RCN2: variants seen among roughly 807,000 people sequenced by gnomAD.
The protein encoded by RCN2 is reticulocalbin 2.
In RCN2, 23 loss-of-function variants were observed where a neutral mutation model predicts 37.5. The observed-to-expected ratio is 0.61, with a 90% CI of 0.44 to 0.87. The LOEUF is 0.87. Among genes scored for constraint, RCN2 ranks in the 40% least tolerant of loss-of-function variants. RCN2 has a pLI of 0.00. For synonymous variants in RCN2, 140 were observed against 144.6 expected, an observed-to-expected ratio of 0.97 and a Z score of 0.23; for missense variants, 381 against 390.4, an observed-to-expected ratio of 0.98 and a Z score of 0.20.
intron 3 of RCN2, 85 bp downstream of exon 3, chr15:76,935,807 G>A: frequency 1.0e-6 from 1 of 967,076 alleles, no homozygotes; most frequent in Non-Finnish European, 1.6e-6. Flanking sequence ...GAGGGCCTGA[G>A]GTCATAAGCT....
At chr15:76,932,984 A>G (rs2075231047) in intron 2 of RCN2, among the ~76,000 whole-genome samples, 1 of 152,202 alleles carries the variant, frequency 6.6e-6, no homozygotes, top group Admixed American at 6.5e-5. Flanking sequence ...GAAGAAATGA[A>G]GCACAGGGAT....
chr15:76,949,246 T>A lies in RCN2; in HGVS notation c.*24T>A. 2.7e-6 allele frequency: 4 copies of A among 1,456,352 alleles called. No homozygotes were observed. The South Asian group carries it at 5.6e-5, about 20-fold the overall frequency. 90.2% of individuals were successfully genotyped at this position (1,456,352 alleles called of 1,614,324 possible). On this transcript the variant is annotated 3_prime_UTR_variant, in exon 7 of 7. Coordinates refer to ENST00000394885, the MANE Select transcript of RCN2 (RefSeq NM_002902.3). Reference sequence around the variant, plus strand: ...AATCTCTGAGCCTGTCTCAGTAGAGTACTGGCTCCTTTTATAATTTGTTAC... The same window carrying A: ...AATCTCTGAGCCTGTCTCAGTAGAGAACTGGCTCCTTTTATAATTTGTTAC...
intron 2 of RCN2, among the ~76,000 whole-genome samples, chr15:76,933,022 G>A (rs996341529): frequency 6.6e-6 from 1 of 152,090 alleles, no homozygotes; most frequent in Non-Finnish European, 1.5e-5. Flanking sequence ...AAGTGGCAAA[G>A]CTGGACTAGA....
intron 5 of RCN2, 170 bp downstream of exon 5, chr15:76,947,687 A>G (rs532962026): frequency 3.8e-5 from 20 of 532,280 alleles, no homozygotes; most frequent in Non-Finnish European, 6.5e-5. Context: ...TTTATAGCTT[A>G]TCTGAGAACG....
In RCN2 at chr15:76,931,777, A is replaced by T; in HGVS notation, c.-65A>T. 5.2e-6 allele frequency: 6 copies of T among 1,158,566 alleles called. No homozygotes were observed. The highest frequency in any genetic ancestry group is 4.1e-5 in the South Asian group (1 of 24,300). 71.8% of individuals were successfully genotyped at this position (1,158,566 alleles called of 1,614,324 possible). A position where few individuals can be genotyped will look rare whatever the true frequency, so the allele number is the denominator to read the frequency against. ...TCTGTAGCCGCCCGCGGAGCATCGC[A>T]GCCGGCCCGGGCCCCCGCCAGCCTC... On this transcript the variant is annotated 5_prime_UTR_variant, in exon 1 of 7. Transcript: ENST00000394885.
At chr15:76,932,041 G>T (rs1326321398) in intron 1 of RCN2, 56 bp downstream of exon 1, 2 of 1,238,230 alleles carry the variant, frequency 1.6e-6, no homozygotes, top group East Asian at 3.4e-5. Flanking sequence ...GGCTGCCGCG[G>T]GCTTTGTCCC....
rs1252428298 is a variant in RCN2, at chr15:76,933,567, C to G, written c.250+1101C>G. Among the ~76,000 whole-genome samples, 4 of 152,252 alleles carry G rather than the reference C, an allele frequency of 2.6e-5. No individual in the cohort carries two copies. In the East Asian group the frequency reaches 7.7e-4, roughly 29 times the overall value. On this transcript the variant is annotated intron_variant, in intron 2 of 6. Transcript: ENST00000394885. ...CTATCTGTCAAGACCTAGATATGTT[C>G]AAATATTTAATAGTAAGGTTTTAAG...
chr15:76,942,944 C>T (rs2075281602), intron 3 of RCN2: 1 of 151,708 alleles, frequency 6.6e-6, no homozygotes, highest in South Asian at 2.1e-4. Flanking sequence ...CCTCATCTCC[C>T]CACCCCCCAA....
Position 76,949,558 on chromosome 15 carries a change from A to G in RCN2, c.*336A>G, listed in dbSNP as rs542561711. The stretch of plus-strand genomic sequence containing the variant: ...AGGATTTTAGAGATGCCTGAACAAT[A>G]TTATTTAAGTAGTATGTGACCGAGC... On this transcript the variant is annotated 3_prime_UTR_variant, in exon 7 of 7. Coordinates refer to ENST00000394885, the MANE Select transcript of RCN2 (RefSeq NM_002902.3). 2 of 165,666 alleles carry G rather than the reference A, an allele frequency of 1.2e-5. No homozygotes were observed. Among genetic ancestry groups the G allele is most frequent in the African/African-American group, 4.8e-5 (2 of 42,088 alleles). The allele number at this position is 165,666 out of a possible 1,614,324, so 10.3% of individuals were successfully genotyped here. A position where few individuals can be genotyped will look rare whatever the true frequency, so the allele number is the denominator to read the frequency against.
Position 76,931,787 on chromosome 15 carries a change from G to A in RCN2, c.-55G>A. The A allele has an allele frequency of 8.4e-7, 1 of 1,187,396 alleles. No individual in the cohort carries two copies. Among genetic ancestry groups the A allele is most frequent in the Non-Finnish European group, 1.0e-6 (1 of 957,704 alleles). The allele number at this position is 1,187,396 out of a possible 1,614,324, so 73.6% of individuals were successfully genotyped here. ...CCCGCGGAGCATCGCAGCCGGCCCG[G>A]GCCCCCGCCAGCCTCCCTCCTCGCG... On this transcript the variant is annotated 5_prime_UTR_variant, in exon 1 of 7. Coordinates refer to ENST00000394885, the MANE Select transcript of RCN2 (RefSeq NM_002902.3).
At position 76,931,986 on chromosome 15, in the gene RCN2, G is replaced by C; in HGVS notation, c.144+1G>C. The stretch of plus-strand genomic sequence containing the variant: ...CCGCGAGGCGCTGCTGGGCGTCCAG[G>C]TGAGGCGGCCAGGCCGGTGCTGGGA... On this transcript the variant is annotated splice_donor_variant, in intron 1 of 6. Coordinates refer to ENST00000394885, the MANE Select transcript of RCN2 (RefSeq NM_002902.3). LOFTEE classifies it high-confidence loss of function. 7.9e-7 allele frequency: 1 copy of C among 1,263,426 alleles called. No individual in the cohort carries two copies. Among genetic ancestry groups the C allele is most frequent in the Non-Finnish European group, 9.9e-7 (1 of 1,009,202 alleles). The allele number at this position is 1,263,426 out of a possible 1,614,324, so 78.3% of individuals were successfully genotyped here.
At chr15:76,937,778 A>G (rs1419360387) in intron 3 of RCN2, among the ~76,000 whole-genome samples, 2 of 152,150 alleles carry the variant, frequency 1.3e-5, no homozygotes, top group African/African-American at 4.8e-5. Flanking sequence ...TAATTTGTTG[A>G]AATATATGCT....
At position 76,949,440 on chromosome 15, in the gene RCN2, G is replaced by T; in HGVS notation, c.*218G>T. ...TGAAGCAACAAAATATTAATATTGTGCCATATGACAACAAAGTCTTTCCTA... is the reference window on the plus strand; with the variant it reads ...TGAAGCAACAAAATATTAATATTGTTCCATATGACAACAAAGTCTTTCCTA... On this transcript the variant is annotated 3_prime_UTR_variant, in exon 7 of 7. Coordinates refer to ENST00000394885, the MANE Select transcript of RCN2 (RefSeq NM_002902.3). 5.4e-6 allele frequency: 2 copies of T among 371,020 alleles called. No individual in the cohort carries two copies. The highest frequency in any genetic ancestry group is 8.1e-5 in the South Asian group (1 of 12,344). 23.0% of individuals were successfully genotyped at this position (371,020 alleles called of 1,614,324 possible). A position where few individuals can be genotyped will look rare whatever the true frequency, so the allele number is the denominator to read the frequency against.
At chr15:76,932,573 G>C (rs1474468409) in intron 2 of RCN2, 107 bp downstream of exon 2, 1 of 751,776 alleles carries the variant, frequency 1.3e-6, no homozygotes, top group Non-Finnish European at 2.3e-6. Flanking sequence ...GAAGTCCTGT[G>C]AGAAGGAGAA....
chr15:76,932,379 G>C lies in RCN2; in HGVS notation c.163G>C (p.Val55Leu). Residue 55 changes from valine to leucine, a missense_variant, in exon 2 of 7, where the codon GTT (valine) becomes CTT (leucine). Physicochemically the swap from Val to Leu is conservative, Grantham distance 32 (BLOSUM62 1). Coordinates refer to ENST00000394885, the MANE Select transcript of RCN2 (RefSeq NM_002902.3). Reference sequence around the variant, plus strand: ...CCTAAAGGAAGATGTGGATGAATATGTTAAACTCGGCCACGAAGAGCAGCA... The same window carrying C: ...CCTAAAGGAAGATGTGGATGAATATCTTAAACTCGGCCACGAAGAGCAGCA... ...LGVQEDVDEYVKLGHEEQQKR... is the reference protein window; with the variant it reads ...LGVQEDVDEYLKLGHEEQQKR... 1 of 1,613,384 alleles carries C rather than the reference G, an allele frequency of 6.2e-7. No individual in the cohort carries two copies. The highest frequency in any genetic ancestry group is 8.5e-7 in the Non-Finnish European group (1 of 1,179,566).
At chr15:76,939,810 A>G (rs1028660811) in intron 3 of RCN2, among the ~76,000 whole-genome samples, 1 of 152,212 alleles carries the variant, frequency 6.6e-6, no homozygotes, top group African/African-American at 2.4e-5. Context: ...TACTCAAAAG[A>G]CTTAATTACT....
chr15:76,939,288 T>C (rs1032592336), intron 3 of RCN2, among the ~76,000 whole-genome samples: 1 of 150,990 alleles, frequency 6.6e-6, no homozygotes, highest in Non-Finnish European at 1.5e-5. Flanking sequence ...AAATTTCCTC[T>C]TTAGGATTAT....
Position 76,948,412 on chromosome 15 carries a change from G to T in RCN2, c.661G>T (p.Ala221Ser). ...FLGDYRWDPT[A>S]NEDPEWILVE... Reference sequence around the variant, plus strand: ...TATTTGTGTTTTTTTATATTAAGCTGCAAATGAAGATCCAGAATGGATACT... The same window carrying T: ...TATTTGTGTTTTTTTATATTAAGCTTCAAATGAAGATCCAGAATGGATACT... The change falls in exon 6 of 7, where the codon GCA becomes TCA. Residue 221 changes from alanine to serine, a missense_variant and splice_region_variant. Physicochemically the swap from Ala to Ser is moderately conservative, Grantham distance 99. Transcript: ENST00000394885. The T allele has an allele frequency of 1.3e-6, 2 of 1,585,652 alleles. No individual in the cohort carries two copies. Among genetic ancestry groups the T allele is most frequent in the East Asian group, 2.3e-5 (1 of 44,404 alleles).
chr15:76,945,063 C>G (rs2075291589), intron 4 of RCN2, among the ~76,000 whole-genome samples: 1 of 152,206 alleles, frequency 6.6e-6, no homozygotes, highest in Admixed American at 6.5e-5. Context: ...TTAAGAGATA[C>G]ACAGATTTAA....
Sources: allele counts gnomAD v4.1 joint callset (sites outside exome capture counted in the v4.1 genomes callset), GRCh38; gene constraint gnomAD v4.1.1; transcripts MANE v1.5; gene names NCBI Gene and HGNC (gene_info 2026-07-23, HGNC 2026-07-21).